The following CLIC2 variants were observed in gnomAD, a reference collection of about 807,000 sequenced individuals.
The protein encoded by CLIC2 is CLIC family member 2.
A neutral mutation model predicts 14.8 loss-of-function variants in CLIC2; 9 were observed. The ratio of observed to expected loss-of-function variants is 0.61; its 90% CI spans 0.37 to 1.06. The LOEUF is 1.06. Ranked by LOEUF, CLIC2 falls within the 50% of genes least tolerant of loss-of-function variation. CLIC2 has a pLI of 0.01. For synonymous variants in CLIC2, 61 were observed against 66.3 expected (o/e 0.92, Z 0.39); for missense variants, 148 against 181.4 (o/e 0.82, Z 1.06).
At chrX:155,306,132 A>T (rs1051814342) in intron 1 of CLIC2, among the ~76,000 whole-genome samples, 2 of 111,937 alleles carry the variant, frequency 1.8e-5, no homozygotes, top group African/African-American at 6.5e-5. Context: ...GTCCCCTCCA[A>T]ATCTCATGTT....
intron 1 of CLIC2, among the ~76,000 whole-genome samples, chrX:155,313,632 A>G (rs2075082977): frequency 8.9e-6 from 1 of 112,272 alleles, no homozygotes; most frequent in Admixed American, 9.4e-5. Flanking sequence ...TCACATCATG[A>G]TCTTTTGCTC....
Position 155,312,781 on chromosome X carries a change from A to T in CLIC2, c.58-13636T>A, listed in dbSNP as rs187710006. 2.0e-3 allele frequency among the ~76,000 whole-genome samples: 226 copies of T among 111,695 alleles called. 1 individual carries two copies. Among genetic ancestry groups the T allele is most frequent in the Admixed American group, 5.2e-3 (55 of 10,532 alleles). On this transcript the variant is annotated intron_variant, in intron 1 of 5. Transcript: ENST00000369449. Reference sequence around the variant, plus strand: ...CAGTATGGCCATTTTAATGATATTTATTTTTCCTATCCATGAACATGGAAT... The same window carrying T: ...CAGTATGGCCATTTTAATGATATTTTTTTTTCCTATCCATGAACATGGAAT...
At position 155,291,868 on chromosome X, in the gene CLIC2, A is replaced by T. The variant is rs781981587; in HGVS notation, c.293+6917T>A. 3.6e-5 allele frequency among the ~76,000 whole-genome samples: 4 copies of T among 112,214 alleles called. No homozygotes were observed. In the East Asian group the frequency reaches 8.4e-4, roughly 24 times the overall value. The stretch of plus-strand genomic sequence containing the variant: ...AGTATGCTGAATAAAACAGATATTT[A>T]AAAAAATGGGGTCGGACGGATGTCA... On this transcript the variant is annotated intron_variant, in intron 3 of 5. Coordinates refer to ENST00000369449, the MANE Select transcript of CLIC2 (RefSeq NM_001289.6).
chrX:155,311,362 TAGGGC>T (rs1185295826), intron 1 of CLIC2, among the ~76,000 whole-genome samples: 1 of 111,754 alleles, frequency 8.9e-6, no homozygotes, highest in African/African-American at 3.3e-5. Context: ...CACAAATCTC[TAGGGC>T]AGGGACAAAA....
At chrX:155,278,344 G>A (rs1281288949) in intron 5 of CLIC2, among the ~76,000 whole-genome samples, 1 of 111,557 alleles carries the variant, frequency 9.0e-6, no homozygotes, top group African/African-American at 3.3e-5. Context: ...TATCCACCAC[G>A]ACTAGACTAA....
chrX:155,334,582 T>A lies in CLIC2; in HGVS notation c.-155A>T, dbSNP rs1378806865. ...TGGACTGAGTCAGACCTGGAGCCAG[T>A]CTCTTCTCTCAAGAGGTGTGACGCA... On this transcript the variant is annotated 5_prime_UTR_variant, in exon 1 of 6. Coordinates refer to ENST00000369449, the MANE Select transcript of CLIC2 (RefSeq NM_001289.6). The A allele has an allele frequency of 5.1e-5, 25 of 495,007 alleles. No individual in the cohort carries two copies. The Admixed American group carries it at 7.7e-4, about 15-fold the overall frequency. 40.8% of individuals were successfully genotyped at this position (495,007 alleles called of 1,213,427 possible).
intron 1 of CLIC2, among the ~76,000 whole-genome samples, chrX:155,305,495 A>G (rs914297281): frequency 9.8e-5 from 11 of 111,725 alleles, no homozygotes; most frequent in Non-Finnish European, 1.9e-4. Flanking sequence ...AGTGAGATGA[A>G]CCCGGTACCT....
intron 3 of CLIC2, among the ~76,000 whole-genome samples, chrX:155,283,876 C>G (rs149934035): frequency 0.026 from 2,878 of 111,346 alleles, 42 homozygotes; most frequent in South Asian, 0.042. Context: ...GTATGTGTGG[C>G]CTCTGAAATA....
chrX:155,277,346 C>A lies in CLIC2; in HGVS notation c.*557G>T. ...CTCTGACCATGAGGTGGTCATAGTT[C>A]TAGGCGTCAAATGCTGTTCTATGAC... is the stretch of plus-strand genomic sequence containing the variant. On this transcript the variant is annotated 3_prime_UTR_variant, in exon 6 of 6. Transcript: ENST00000369449. The A allele has an allele frequency of 9.0e-6, 1 of 111,621 alleles. No individual in the cohort carries two copies. The highest frequency in any genetic ancestry group is 2.8e-4 in the East Asian group (1 of 3,575). The allele number at this position is 111,621 out of a possible 1,213,427, so 9.2% of individuals were successfully genotyped here. A position where few individuals can be genotyped will look rare whatever the true frequency, so the allele number is the denominator to read the frequency against.
At chrX:155,316,706 C>G (rs1314815649) in intron 1 of CLIC2, among the ~76,000 whole-genome samples, 1 of 110,085 alleles carries the variant, frequency 9.1e-6, no homozygotes, top group East Asian at 2.8e-4. Flanking sequence ...AACATGATCA[C>G]AAGGTCCCAC....
At chrX:155,284,895 CA>C (rs1221208612) in intron 3 of CLIC2, among the ~76,000 whole-genome samples, 3 of 111,868 alleles carry the variant, frequency 2.7e-5, no homozygotes, top group African/African-American at 9.8e-5. Context: ...TCAAGGTAAC[CA>C]AAAATGCCAC....
intron 3 of CLIC2, among the ~76,000 whole-genome samples, chrX:155,281,350 T>A (rs2074918659): frequency 9.1e-6 from 1 of 110,190 alleles, no homozygotes; most frequent in African/African-American, 3.3e-5. Context: ...AGATTTTAGG[T>A]GCTCTTACCA....
In CLIC2 at chrX:155,279,182, A is replaced by G. The variant is rs2074909340; in HGVS notation, c.549T>C (p.Asp183=). Residue 183 remains aspartate, a synonymous_variant, in exon 5 of 6, where the codon GAT becomes GAC. Transcript: ENST00000369449. ...FLDGDQLTLA[D]CSLLPKLNII... The stretch of plus-strand genomic sequence containing the variant: ...TGTTCAGCTTGGGTAACAAGCTACA[A>G]TCAGCCAGTGTTAGCTGGTCCCCAT... The G allele has an allele frequency of 8.3e-7, 1 of 1,211,217 alleles. No homozygotes were observed. The highest frequency in any genetic ancestry group is 1.1e-6 in the Non-Finnish European group (1 of 895,137).
Position 155,334,400 on chromosome X carries a change from C to T in CLIC2, c.28G>A (p.Val10Met). 1 of 1,210,183 alleles carries T rather than the reference C, an allele frequency of 8.3e-7. No homozygotes were observed. Among genetic ancestry groups the T allele is most frequent in the Non-Finnish European group, 1.1e-6 (1 of 893,922 alleles). ...ACAAAAAGCTCAATCTCAGGGTCCACTTGAGTGCCGGGCCGCAGGCCTGAC... is the reference window on the plus strand; with the variant it reads ...ACAAAAAGCTCAATCTCAGGGTCCATTTGAGTGCCGGGCCGCAGGCCTGAC... MSGLRPGTQVDPEIELFVKA... is the reference protein window; with the variant it reads MSGLRPGTQMDPEIELFVKA... The change falls in exon 1 of 6, where the codon GTG becomes ATG. Residue 10 changes from valine (V) to methionine (M), a missense_variant. Physicochemically the swap from Val to Met is conservative, Grantham distance 21. Coordinates refer to ENST00000369449, the MANE Select transcript of CLIC2 (RefSeq NM_001289.6).
At chrX:155,291,993 A>T (rs2074968031) in intron 3 of CLIC2, among the ~76,000 whole-genome samples, 2 of 112,208 alleles carry the variant, frequency 1.8e-5, no homozygotes, top group African/African-American at 6.5e-5. Context: ...TCCTCGAAGG[A>T]TGAAATTGAA....
At chrX:155,299,665 C>T (rs782743399) in intron 1 of CLIC2, among the ~76,000 whole-genome samples, 35 of 106,247 alleles carry the variant, frequency 3.3e-4, no homozygotes, top group Admixed American at 2.4e-3. Flanking sequence ...CATGCTGGTG[C>T]GCTGCACCCA....
At chrX:155,292,586 C>A (rs942159718) in intron 3 of CLIC2, 7 of 356,184 alleles carry the variant, frequency 2.0e-5, no homozygotes, top group Admixed American at 4.7e-5. Context: ...CTGGCTAACA[C>A]GGTGAAACCC....
At chrX:155,322,070 A>T (rs921543783) in intron 1 of CLIC2, among the ~76,000 whole-genome samples, 80 of 111,566 alleles carry the variant, frequency 7.2e-4, no homozygotes, top group African/African-American at 2.4e-3. Context: ...GCAAGTTCTT[A>T]GAGACCTACA....
chrX:155,292,493 G>C, intron 3 of CLIC2: 2 of 647,134 alleles, frequency 3.1e-6, no homozygotes, highest in Admixed American at 2.4e-5. Context: ...AAGTGCCTGA[G>C]TATATTAAGA....
Sources: allele counts gnomAD v4.1 joint callset (sites outside exome capture counted in the v4.1 genomes callset), GRCh38; gene constraint gnomAD v4.1.1; transcripts MANE v1.5; gene names NCBI Gene and HGNC (gene_info 2026-07-23, HGNC 2026-07-21).